PTPN21: variants seen among roughly 807,000 people sequenced by gnomAD.
PTPN21 encodes protein tyrosine phosphatase non-receptor type 21.
PTPN21 carries 77 observed loss-of-function variants against 131.8 expected under a neutral mutation model. The observed-to-expected ratio is 0.58, with a 90% CI of 0.49 to 0.71. The LOEUF (loss-of-function observed/expected upper bound fraction) is 0.71, where lower values mean the gene tolerates loss of function less well. Ranked by LOEUF, PTPN21 falls within the 30% of genes least tolerant of loss-of-function variation. The probability of loss-of-function intolerance (pLI) is 0.00; values close to 1 mark genes in which losing one functional copy is unlikely to be tolerated. For synonymous variants in PTPN21, 715 were observed against 621.3 expected (o/e 1.15, Z -2.24); for missense variants, 1,552 against 1,527.1 (o/e 1.02, Z -0.27).
intron 6 of PTPN21, among the ~76,000 whole-genome samples, chr14:88,503,452 C>T (rs1462800168): frequency 6.6e-6 from 1 of 152,114 alleles, no homozygotes; most frequent in Non-Finnish European, 1.5e-5. Context: ...CCTCAACTTA[C>T]GATGATGGTT....
rs528489527 is a variant in PTPN21, at chr14:88,479,691, G to T, written c.1740C>A (p.Asp580Glu). The part of the protein sequence containing the change: ...PPPRPANSTP[D>E]LSRHLYISSS... ...TGCTGATGTAAAGGTGGCGGGACAG[G>T]TCTGGCGTGCTGTTGGCGGGCCTGG... The change falls in exon 13 of 19, where the codon GAC (aspartate) becomes GAA (glutamate). Residue 580 changes from aspartate to glutamate, a missense_variant. By Grantham distance (45) the Asp-to-Glu change is conservative. Transcript: ENST00000556564. The T allele has an allele frequency of 4.0e-6, 6 of 1,507,962 alleles. No homozygotes were observed. The highest frequency in any genetic ancestry group is 4.6e-5 in the East Asian group (2 of 43,432). 93.4% of individuals were successfully genotyped at this position (1,507,962 alleles called of 1,614,324 possible).
At chr14:88,541,858 A>G (rs1236800708) in intron 2 of PTPN21, among the ~76,000 whole-genome samples, 1 of 152,254 alleles carries the variant, frequency 6.6e-6, no homozygotes, top group Non-Finnish European at 1.5e-5. Flanking sequence ...TCTGGGAAGT[A>G]GAAGACCAGG....
intron 1 of PTPN21, among the ~76,000 whole-genome samples, 191 bp downstream of exon 1, chr14:88,554,460 A>C (rs2078899535): frequency 6.6e-6 from 1 of 152,190 alleles, no homozygotes; most frequent in African/African-American, 2.4e-5. Flanking sequence ...GAAATTACTC[A>C]AGTATATGAG....
At chr14:88,482,752 C>A (rs2077670673) in intron 12 of PTPN21, among the ~76,000 whole-genome samples, 1 of 151,908 alleles carries the variant, frequency 6.6e-6, no homozygotes, top group African/African-American at 2.4e-5. Flanking sequence ...AGGGAAAAAC[C>A]TAGCATGCCA....
chr14:88,543,455 C>T (rs977375784), intron 2 of PTPN21, among the ~76,000 whole-genome samples: 1 of 152,212 alleles, frequency 6.6e-6, no homozygotes, highest in African/African-American at 2.4e-5. Context: ...GTTTACCTCT[C>T]TCCAGGAAAT....
chr14:88,510,124 CTGTTA>C (rs1258418603), intron 3 of PTPN21, among the ~76,000 whole-genome samples: 1 of 152,186 alleles, frequency 6.6e-6, no homozygotes, highest in Non-Finnish European at 1.5e-5. Flanking sequence ...TTACATTATA[CTGTTA>C]TGAGAATTGA....
intron 5 of PTPN21, among the ~76,000 whole-genome samples, chr14:88,505,017 C>T (rs554445336): frequency 6.6e-6 from 1 of 152,298 alleles, no homozygotes; most frequent in South Asian, 2.1e-4. Context: ...GTGCATGCTT[C>T]CTGAGAAGCT....
chr14:88,509,344 T>G (rs2078144044), intron 3 of PTPN21, among the ~76,000 whole-genome samples: 1 of 152,202 alleles, frequency 6.6e-6, no homozygotes, highest in Admixed American at 6.5e-5. Flanking sequence ...GCCTGTGAAG[T>G]GCAACCCAGT....
At chr14:88,500,981 G>C in intron 7 of PTPN21, 110 bp from the exon 8 acceptor site, 1 of 773,558 alleles carries the variant, frequency 1.3e-6, no homozygotes, top group Non-Finnish European at 2.2e-6. Flanking sequence ...AAGACCTACA[G>C]AGTAACTATT....
intron 2 of PTPN21, among the ~76,000 whole-genome samples, chr14:88,528,031 T>C (rs559754154): frequency 2.0e-5 from 3 of 152,312 alleles, no homozygotes; most frequent in South Asian, 4.1e-4. Context: ...ACCAGTACCA[T>C]GCTGTTTTGG....
chr14:88,539,932 C>T (rs1391304161), intron 2 of PTPN21, among the ~76,000 whole-genome samples: 5 of 152,142 alleles, frequency 3.3e-5, no homozygotes, highest in Non-Finnish European at 7.3e-5. Context: ...ATCATAAAAA[C>T]ACAGGCGAAT....
rs891440300 is a variant in PTPN21, at chr14:88,501,365, C to A, written c.591G>T (p.Gly197=). Residue 197 remains glycine (G), a synonymous_variant, in exon 7 of 19, where the codon GGG becomes GGT. Transcript: ENST00000556564. ...KVALLHQKYR[G]LTAPDAEMLY... is the part of the protein sequence containing the mutation. ...GCATTTCAGCATCAGGAGCTGTGAGCCCTCTGCAACCCAAAAGAAGCAAGA... is the reference window on the plus strand; with the variant it reads ...GCATTTCAGCATCAGGAGCTGTGAGACCTCTGCAACCCAAAAGAAGCAAGA... 1.9e-6 allele frequency: 3 copies of A among 1,613,040 alleles called. No individual in the cohort carries two copies. The highest frequency in any genetic ancestry group is 1.7e-6 in the Non-Finnish European group (2 of 1,179,064).
intron 2 of PTPN21, among the ~76,000 whole-genome samples, chr14:88,541,981 T>C (rs1177727364): frequency 6.6e-6 from 1 of 152,100 alleles, no homozygotes; most frequent in Non-Finnish European, 1.5e-5. Flanking sequence ...AGAGAGTGGC[T>C]ATGAACCACC....
At chr14:88,546,782 T>C (rs902253595) in intron 2 of PTPN21, among the ~76,000 whole-genome samples, 1 of 152,154 alleles carries the variant, frequency 6.6e-6, no homozygotes, top group Non-Finnish European at 1.5e-5. Context: ...AGAGACTATA[T>C]GTACAAACTA....
chr14:88,551,297 C>T (rs1294887760), intron 1 of PTPN21: 1 of 152,298 alleles, frequency 6.6e-6, no homozygotes, highest in Non-Finnish European at 1.5e-5. Flanking sequence ...TGGGGACGCC[C>T]AAACAGGCCT....
In PTPN21 at chr14:88,473,559, T is replaced by C. The variant is rs540674035; in HGVS notation, c.2649+106A>G. ...TACAAAATTCCTTAACACTCATTTA[T>C]TATTAAATTGTGTTAGAAAATTCAC... On this transcript the variant is annotated intron_variant, in intron 14 of 18. Transcript: ENST00000556564. 1.0e-5 allele frequency: 14 copies of C among 1,355,372 alleles called. No individual in the cohort carries two copies. In the South Asian group the frequency reaches 1.8e-4, roughly 18 times the overall value. 84.0% of individuals were successfully genotyped at this position (1,355,372 alleles called of 1,614,324 possible).
intron 12 of PTPN21, among the ~76,000 whole-genome samples, chr14:88,482,077 G>A (rs564422162): frequency 6.6e-6 from 1 of 152,342 alleles, no homozygotes; most frequent in South Asian, 2.1e-4. Context: ...TGAGAGTTTG[G>A]AATGGAGTAT....
intron 1 of PTPN21, among the ~76,000 whole-genome samples, chr14:88,554,114 GCAT>G (rs1250780441): frequency 2.0e-5 from 3 of 152,194 alleles, no homozygotes; most frequent in African/African-American, 7.2e-5. Context: ...GTGTTTGTGA[GCAT>G]ACGCTATTAG....
rs767054411 is a variant in PTPN21 at position 88,497,266 on chromosome 14, G to C, written c.789C>G (p.Ser263=). The change falls in exon 9 of 19, where the codon TCC becomes TCG. Residue 263 remains serine (S), a synonymous_variant. Coordinates refer to ENST00000556564, the MANE Select transcript of PTPN21 (RefSeq NM_007039.4). ...VFRWHDIANM[S]HNKSFFALEL... ...CTAATGCAAAAAAGGACTTGTTGTG[G>C]GACATGTTGGCAATGTCATGCCACC... 6.2e-7 allele frequency: 1 copy of C among 1,613,444 alleles called. No individual in the cohort carries two copies. The highest frequency in any genetic ancestry group is 8.5e-7 in the Non-Finnish European group (1 of 1,179,438).
Sources: gnomAD v4.1 joint callset for allele counts (sites outside exome capture counted in the v4.1 genomes callset) on GRCh38, gnomAD v4.1.1 for gene constraint, MANE v1.5 for transcripts, NCBI Gene and HGNC (gene_info 2026-07-23, HGNC 2026-07-21) for gene names.